The following PSD3 variants were observed in gnomAD, a reference collection of about 807,000 sequenced individuals.
The protein encoded by PSD3 is PH and SEC7 domain-containing protein 3.
A neutral mutation model predicts 105.5 loss-of-function variants in PSD3; 49 were observed. The observed-to-expected ratio is 0.46, with a 90% CI of 0.37 to 0.59. The LOEUF (loss-of-function observed/expected upper bound fraction) is 0.59, where lower values mean the gene tolerates loss of function less well. Ranked by LOEUF, PSD3 falls within the 20% of genes least tolerant of loss-of-function variation. The probability of loss-of-function intolerance (pLI) is 0.00; values close to 1 mark genes in which losing one functional copy is unlikely to be tolerated. For missense variants in PSD3, 1,561 were observed against 1,263.8 expected (o/e 1.24, Z -3.57); for synonymous variants, 557 against 457.8 (o/e 1.22, Z -2.77).
At chr8:18,691,380 T>G (rs1800965947) in intron 9 of PSD3, among the ~76,000 whole-genome samples, 1 of 152,244 alleles carries the variant, frequency 6.6e-6, no homozygotes, top group African/African-American at 2.4e-5. Flanking sequence ...CACTTAACTC[T>G]GTATAGCTGA....
At chr8:18,662,652 T>C (rs1293951758) in intron 9 of PSD3, among the ~76,000 whole-genome samples, 3 of 152,216 alleles carry the variant, frequency 2.0e-5, no homozygotes, top group Non-Finnish European at 4.4e-5. Flanking sequence ...TGCATAAAGT[T>C]AGTGTTCTTT....
intron 2 of PSD3, among the ~76,000 whole-genome samples, chr8:18,917,696 AC>A (rs1290764381): frequency 6.6e-6 from 1 of 151,406 alleles, no homozygotes; most frequent in Non-Finnish European, 1.5e-5. Flanking sequence ...GCGATTTCCC[AC>A]CCCCAACCCT....
intron 9 of PSD3, among the ~76,000 whole-genome samples, chr8:18,738,459 T>C (rs984606517): frequency 6.6e-6 from 1 of 152,212 alleles, no homozygotes; most frequent in African/African-American, 2.4e-5. Context: ...TGGCCTATGA[T>C]GTTTATACTG....
intron 9 of PSD3, among the ~76,000 whole-genome samples, chr8:18,696,296 G>C (rs1801257332): frequency 6.6e-6 from 1 of 152,178 alleles, no homozygotes; most frequent in African/African-American, 2.4e-5. Context: ...ATACAGGCCG[G>C]AAACTTCACA....
intron 10 of PSD3, among the ~76,000 whole-genome samples, chr8:18,633,631 T>C (rs548069924): frequency 1.1e-4 from 16 of 152,220 alleles, no homozygotes; most frequent in Non-Finnish European, 1.9e-4. Context: ...ACGGTGTGTA[T>C]GTACCATATT....
At chr8:18,608,858 C>A (rs1049932008) in intron 11 of PSD3, among the ~76,000 whole-genome samples, 1 of 152,108 alleles carries the variant, frequency 6.6e-6, no homozygotes, top group Non-Finnish European at 1.5e-5. Flanking sequence ...CTCAACTGAA[C>A]TGGAAATGGA....
At chr8:18,978,624 G>A (rs759308335) in intron 1 of PSD3, among the ~76,000 whole-genome samples, 1 of 152,080 alleles carries the variant, frequency 6.6e-6, no homozygotes, top group African/African-American at 2.4e-5. Flanking sequence ...GGTTTACAGC[G>A]CAGGAATGAG....
intron 9 of PSD3, among the ~76,000 whole-genome samples, chr8:18,744,984 G>A (rs1402977571): frequency 2.0e-5 from 3 of 152,140 alleles, no homozygotes; most frequent in African/African-American, 4.8e-5. Context: ...GTTTTCTCAT[G>A]TTTACAATGA....
rs779934135 is a variant in PSD3 at position 18,683,942 on chromosome 8, T to A, written c.2173-28257A>T. ...TATTCACGCCAATCATTTTCGAAGG[T>A]CAACTAAGGAAGGGGTTTAGAGAAA... On this transcript the variant is annotated intron_variant, in intron 9 of 15. Coordinates refer to ENST00000327040, the MANE Select transcript of PSD3 (RefSeq NM_015310.4). 7.9e-6 allele frequency: 6 copies of A among 761,120 alleles called. No individual in the cohort carries two copies. The African/African-American group carries it at 8.5e-5, about 11-fold the overall frequency. 47.1% of individuals were successfully genotyped at this position (761,120 alleles called of 1,614,324 possible).
intron 8 of PSD3, among the ~76,000 whole-genome samples, chr8:18,767,601 G>C (rs1345080734): frequency 6.6e-6 from 1 of 151,994 alleles, no homozygotes; most frequent in Non-Finnish European, 1.5e-5. Flanking sequence ...ACATAAATTA[G>C]CCGGGTGCAG....
rs1014002718 is a variant in PSD3 at position 18,936,077 on chromosome 8, A to T, written c.87T>A (p.Tyr29Ter). ...CTTCAGATCTGCCAAATAAAAATTC[A>T]TATTTGGCCTTGGCAACACTCTGGG... ...AHSQSVAKAK[Y>*]EFLFGRSEGK... The change falls in exon 2 of 16, where the codon TAT (tyrosine) becomes TAA (stop). Residue 29 changes from tyrosine (Y) to a stop codon, truncating the protein, a stop_gained. Transcript: ENST00000327040. LOFTEE classifies it high-confidence loss of function. The T allele has an allele frequency of 3.1e-6, 5 of 1,613,274 alleles. No individual in the cohort carries two copies.
At chr8:18,981,731 C>G (rs2129472825) in intron 1 of PSD3, among the ~76,000 whole-genome samples, 1 of 152,222 alleles carries the variant, frequency 6.6e-6, no homozygotes, top group Non-Finnish European at 1.5e-5. Flanking sequence ...GAAGAGCATT[C>G]TGTCTAAAAA....
intron 1 of PSD3, among the ~76,000 whole-genome samples, chr8:18,953,891 G>A (rs1823397471): frequency 6.6e-6 from 1 of 152,094 alleles, no homozygotes; most frequent in African/African-American, 2.4e-5. Flanking sequence ...AAAAATATGT[G>A]TAGTATGACA....
chr8:18,893,014 C>G (rs1818912721), intron 2 of PSD3, among the ~76,000 whole-genome samples: 1 of 152,072 alleles, frequency 6.6e-6, no homozygotes, highest in Non-Finnish European at 1.5e-5. Flanking sequence ...AAATAAATGT[C>G]CAAGAAGTCA....
Position 18,959,296 on chromosome 8 carries a change from T to A in PSD3, c.22-23154A>T, listed in dbSNP as rs549084411. On this transcript the variant is annotated intron_variant, in intron 1 of 15. Coordinates refer to ENST00000327040, the MANE Select transcript of PSD3 (RefSeq NM_015310.4). ...TTACATATCATTTCAGGGTGTTTCA[T>A]ATCCATCTCCCTTCCGAACATCCAA... Among the ~76,000 whole-genome samples the A allele has an allele frequency of 4.9e-4, 75 of 152,220 alleles. No homozygotes were observed. The South Asian group carries it at 0.015, about 31-fold the overall frequency.
chr8:18,921,294 T>C (rs1320335429), intron 2 of PSD3, among the ~76,000 whole-genome samples: 2 of 152,204 alleles, frequency 1.3e-5, no homozygotes, highest in Non-Finnish European at 2.9e-5. Flanking sequence ...CCTTTTAGTG[T>C]TAAAATGGTT....
intron 1 of PSD3, among the ~76,000 whole-genome samples, chr8:18,963,409 C>G (rs1824044200): frequency 6.6e-6 from 1 of 152,214 alleles, no homozygotes; most frequent in Non-Finnish European, 1.5e-5. Context: ...ACCAGAGCCT[C>G]TGACGTTTCT....
chr8:18,899,209 G>T (rs1819341146), intron 2 of PSD3, among the ~76,000 whole-genome samples: 1 of 152,006 alleles, frequency 6.6e-6, no homozygotes, highest in Non-Finnish European at 1.5e-5. Flanking sequence ...TAACTTCTCT[G>T]GTGTGATACC....
chr8:18,901,619 G>A (rs1170900207), intron 2 of PSD3, among the ~76,000 whole-genome samples: 4 of 152,042 alleles, frequency 2.6e-5, no homozygotes, highest in Non-Finnish European at 5.9e-5. Context: ...TGCTCCACCA[G>A]TGAGTTTTAT....
Sources: gnomAD v4.1 joint callset for allele counts (sites outside exome capture counted in the v4.1 genomes callset) on GRCh38, gnomAD v4.1.1 for gene constraint, MANE v1.5 for transcripts, NCBI Gene and HGNC (gene_info 2026-07-23, HGNC 2026-07-21) for gene names.